PRKAG2: variants seen among roughly 807,000 people sequenced by gnomAD.
The protein encoded by PRKAG2 is protein kinase AMP-activated non-catalytic subunit gamma 2.
Under a neutral mutation model 69.6 loss-of-function variants are expected in PRKAG2, and 26 were observed. The ratio of observed to expected loss-of-function variants is 0.37; its 90% CI spans 0.27 to 0.52. The LOEUF (loss-of-function observed/expected upper bound fraction) is 0.52, where lower values mean the gene tolerates loss of function less well. Among genes scored for constraint, PRKAG2 ranks in the 20% least tolerant of loss-of-function variants. PRKAG2 has a pLI of 0.90. For missense variants in PRKAG2, 557 were observed against 740.0 expected (o/e 0.75, Z 2.87); for synonymous variants, 293 against 285.0 (o/e 1.03, Z -0.28).
chr7:151,710,826 C>T (rs181644885), intron 3 of PRKAG2, among the ~76,000 whole-genome samples: 54 of 152,342 alleles, frequency 3.5e-4, no homozygotes, highest in Middle Eastern at 3.4e-3. Context: ...CTCTGTACCT[C>T]TGTGTCAGCA....
intron 5 of PRKAG2, among the ~76,000 whole-genome samples, chr7:151,603,550 G>A (rs1425490414): frequency 1.7e-5 from 2 of 118,680 alleles, no homozygotes; most frequent in South Asian, 3.1e-4. Context: ...CACCCGCTCC[G>A]TCCTCACCGC....
intron 5 of PRKAG2, among the ~76,000 whole-genome samples, chr7:151,610,926 A>G (rs1259204195): frequency 6.6e-6 from 1 of 151,100 alleles, no homozygotes; most frequent in Non-Finnish European, 1.5e-5. Flanking sequence ...TAATTTTTGT[A>G]CTTTTTTTGG....
chr7:151,627,681 C>T (rs1823318163), intron 5 of PRKAG2, among the ~76,000 whole-genome samples: 2 of 152,096 alleles, frequency 1.3e-5, no homozygotes, highest in South Asian at 4.1e-4. Flanking sequence ...GATTCTATTT[C>T]GTTGTTGTCA....
At chr7:151,564,021 T>C in intron 14 of PRKAG2, 57 bp downstream of exon 14, 2 of 1,610,984 alleles carry the variant, frequency 1.2e-6, no homozygotes, top group Non-Finnish European at 1.7e-6. Context: ...CATCATTCAC[T>C]ACTGGGGACT....
At chr7:151,769,671 G>A (rs2075919454) in intron 3 of PRKAG2, among the ~76,000 whole-genome samples, 2 of 152,230 alleles carry the variant, frequency 1.3e-5, no homozygotes, top group South Asian at 4.1e-4. Context: ...CATGCAGCCT[G>A]TGGTGCCTGT....
intron 1 of PRKAG2, among the ~76,000 whole-genome samples, chr7:151,813,536 C>T (rs2078533191): frequency 6.6e-6 from 1 of 151,820 alleles, no homozygotes; most frequent in Non-Finnish European, 1.5e-5. Flanking sequence ...TGCCATGCAT[C>T]AATGTCACAG....
intron 3 of PRKAG2, among the ~76,000 whole-genome samples, chr7:151,680,186 C>T (rs892671369): frequency 1.8e-4 from 28 of 152,184 alleles, no homozygotes; most frequent in African/African-American, 6.8e-4. Flanking sequence ...TGTTCCTGGA[C>T]CCAGTAATTC....
At chr7:151,805,823 T>G (rs2078073416) in intron 1 of PRKAG2, among the ~76,000 whole-genome samples, 3 of 152,226 alleles carry the variant, frequency 2.0e-5, no homozygotes, top group Admixed American at 2.0e-4. Context: ...ACCTTCAGGT[T>G]TGCCAAGATC....
chr7:151,863,882 C>T (rs1287437681), intron 1 of PRKAG2, among the ~76,000 whole-genome samples: 1 of 144,714 alleles, frequency 6.9e-6, no homozygotes, highest in African/African-American at 2.6e-5. Context: ...CCAGCCTGGA[C>T]TACAGAGCAA....
chr7:151,566,702 A>C, intron 11 of PRKAG2: 1 of 368,126 alleles, frequency 2.7e-6, no homozygotes, highest in South Asian at 2.1e-5. Flanking sequence ...TGAGACTCCT[A>C]GAAATTTAGA....
chr7:151,623,095 G>A (rs1000762258), intron 5 of PRKAG2, among the ~76,000 whole-genome samples: 7 of 152,070 alleles, frequency 4.6e-5, no homozygotes, highest in African/African-American at 1.2e-4. Context: ...GGCTGGGCAC[G>A]GTGGCTCACG....
chr7:151,743,717 C>G (rs1344106101), intron 3 of PRKAG2, among the ~76,000 whole-genome samples: 2 of 152,196 alleles, frequency 1.3e-5, no homozygotes, highest in Non-Finnish European at 2.9e-5. Flanking sequence ...CATGATGGGT[C>G]AGGGAACAGC....
At chr7:151,599,010 C>T (rs972075313) in intron 5 of PRKAG2, among the ~76,000 whole-genome samples, 1 of 152,012 alleles carries the variant, frequency 6.6e-6, no homozygotes, top group African/African-American at 2.4e-5. Context: ...CACCATCACA[C>T]CTGGCTAATA....
chr7:151,832,235 A>AAGGAAG lies in PRKAG2; in HGVS notation c.114+44271_114+44272insCTTCCT, dbSNP rs1563737742. 2.3e-3 allele frequency among the ~76,000 whole-genome samples: 242 copies of AAGGAAG among 105,948 alleles called. 14 individuals carry two copies. The highest frequency in any genetic ancestry group is 0.022 in the Middle Eastern group (4 of 184). The allele number at this position is 105,948 out of a possible 152,430, so 69.5% of individuals were successfully genotyped here. A position where few individuals can be genotyped will look rare whatever the true frequency, so the allele number is the denominator to read the frequency against. ...GAAGAGGAGGGGAGGAGGGAAGGAG[A>AAGGAAG]GGAGGAGGGAAGGAAGGGAGGAGGG... On this transcript the variant is annotated intron_variant, in intron 1 of 15. Coordinates refer to ENST00000287878, the MANE Select transcript of PRKAG2 (RefSeq NM_016203.4).
At chr7:151,791,565 A>G (rs188217217) in intron 1 of PRKAG2, among the ~76,000 whole-genome samples, 8 of 152,314 alleles carry the variant, frequency 5.3e-5, no homozygotes, top group Admixed American at 4.6e-4. Flanking sequence ...TAGCACTCTG[A>G]TTTTCATCCG....
intron 1 of PRKAG2, among the ~76,000 whole-genome samples, chr7:151,832,298 A>C: frequency 6.7e-6 from 1 of 148,460 alleles, no homozygotes; most frequent in Non-Finnish European, 1.5e-5. Flanking sequence ...GAGGGAGGGA[A>C]TAAATCTGAG....
rs574231882 is a variant in PRKAG2, at chr7:151,808,924, C to T, written c.115-22383G>A. 3.9e-5 allele frequency among the ~76,000 whole-genome samples: 6 copies of T among 152,310 alleles called. No homozygotes were observed. In the East Asian group the frequency reaches 5.8e-4, roughly 15 times the overall value. On this transcript the variant is annotated intron_variant, in intron 1 of 15. Coordinates refer to ENST00000287878, the MANE Select transcript of PRKAG2 (RefSeq NM_016203.4). The stretch of plus-strand genomic sequence containing the variant: ...GCAGTGGGGCACTTAAAGCTCCTCA[C>T]GCCCAAGCCCAGGCCTGGTGGGAGC...
chr7:151,782,763 C>A (rs1190443537), intron 2 of PRKAG2, among the ~76,000 whole-genome samples: 2 of 152,196 alleles, frequency 1.3e-5, no homozygotes, highest in Admixed American at 1.3e-4. Context: ...TCAAGGGCTG[C>A]TTGAACGTCA....
At chr7:151,853,682 C>T (rs1265743136) in intron 1 of PRKAG2, among the ~76,000 whole-genome samples, 1 of 150,592 alleles carries the variant, frequency 6.6e-6, no homozygotes, top group East Asian at 1.9e-4. Flanking sequence ...ATGGCGTGAA[C>T]CCGGGAGGTG....
Sources: gnomAD v4.1 joint callset for allele counts (sites outside exome capture counted in the v4.1 genomes callset) on GRCh38, gnomAD v4.1.1 for gene constraint, MANE v1.5 for transcripts, NCBI Gene and HGNC (gene_info 2026-07-23, HGNC 2026-07-21) for gene names.